BRWD1: variants seen among roughly 807,000 people sequenced by gnomAD.
The protein encoded by BRWD1 is bromodomain and WD repeat-containing protein 1.
In BRWD1, 82 loss-of-function variants were observed where a neutral mutation model predicts 251.2. That is an observed-to-expected ratio of 0.33 (90% CI 0.27 to 0.39). The LOEUF is 0.39. BRWD1 is among the 10% of genes least tolerant of loss of function. The probability of loss-of-function intolerance (pLI) is 1.00; values close to 1 mark genes in which losing one functional copy is unlikely to be tolerated. For synonymous variants in BRWD1, 918 were observed against 902.8 expected, an observed-to-expected ratio of 1.02 and a Z score of -0.30; for missense variants, 2,233 against 2,711.6, an observed-to-expected ratio of 0.82 and a Z score of 3.92.
At chr21:39,256,369 ATCATGATTC>A (rs1364983578) in intron 18 of BRWD1, among the ~76,000 whole-genome samples, 1 of 152,236 alleles carries the variant, frequency 6.6e-6, no homozygotes, top group Admixed American at 6.5e-5. Flanking sequence ...TGCAACAGTA[ATCATGATTC>A]TCATGATTCT....
intron 18 of BRWD1, among the ~76,000 whole-genome samples, chr21:39,256,282 C>T (rs2034560150): frequency 6.6e-6 from 1 of 152,160 alleles, no homozygotes; most frequent in East Asian, 1.9e-4. Flanking sequence ...TTAAAAATTG[C>T]ACACTAAAAA....
intron 31 of BRWD1, chr21:39,216,624 T>C (rs1469043155): frequency 6.0e-6 from 2 of 330,958 alleles, no homozygotes; most frequent in Admixed American, 3.5e-5. Context: ...GCCAGAAGTA[T>C]ATGACTGTAT....
chr21:39,313,964 C>T (rs561525194), upstream of BRWD1: 6 of 367,672 alleles, frequency 1.6e-5, no homozygotes, highest in East Asian at 3.0e-4. Context: ...GAAGCGCGGC[C>T]ACAAGAGGGG....
chr21:39,268,736 C>T (rs1568933629), intron 15 of BRWD1, among the ~76,000 whole-genome samples: 1 of 152,172 alleles, frequency 6.6e-6, no homozygotes, highest in East Asian at 1.9e-4. Context: ...CCTGTAATCC[C>T]AACACTTTGG....
At chr21:39,252,976 G>T (rs2034444565) in intron 19 of BRWD1, among the ~76,000 whole-genome samples, 1 of 152,146 alleles carries the variant, frequency 6.6e-6, no homozygotes, top group Non-Finnish European at 1.5e-5. Flanking sequence ...AGCTATCTTG[G>T]ACTATGCGGT....
Position 39,238,563 on chromosome 21 carries a change from C to T in BRWD1, c.2492G>A (p.Cys831Tyr). The T allele has an allele frequency of 3.7e-6, 6 of 1,612,744 alleles. No individual in the cohort carries two copies. The highest frequency in any genetic ancestry group is 5.1e-6 in the Non-Finnish European group (6 of 1,179,114). The change falls in exon 22 of 41, where the codon TGT becomes TAT. Residue 831 changes from cysteine (C) to tyrosine (Y), a missense_variant. Cys to Tyr is a radical substitution (Grantham distance 194). Around this residue, in one of 12 missense-constraint regions of BRWD1, gnomAD observed 214 missense variants for 222.0 expected, o/e 0.96. Transcript: ENST00000342449. ...SSSSVRHETS[C>Y]DQSEGSGSSE... ...AGAACCAGAACCTTCACTCTGATCA[C>T]AGGAAGTCTCCTAATTTGTGAAGGG...
chr21:39,268,874 A>G (rs1408361412), intron 15 of BRWD1, among the ~76,000 whole-genome samples: 1 of 151,880 alleles, frequency 6.6e-6, no homozygotes, highest in African/African-American at 2.4e-5. Flanking sequence ...TGTAGTTCCA[A>G]TTACTTGGGA....
Position 39,196,398 on chromosome 21 carries a change from T to C in BRWD1, c.6671A>G (p.Asp2224Gly), listed in dbSNP as rs201712356. ...AAGAACTCTTTTAGATTTTGCATAG[T>C]CCAAATCCTCCCAGTCATTATCATC... is the stretch of plus-strand genomic sequence containing the variant. ...SVDDNDWEDL[D>G]YAKSKRVLRR... The change falls in exon 41 of 41, where the codon GAC becomes GGC. Residue 2224 changes from aspartate to glycine, a missense_variant. Coordinates refer to ENST00000342449, the MANE Select transcript of BRWD1 (RefSeq NM_033656.4). 6.2e-7 allele frequency: 1 copy of C among 1,613,846 alleles called. No homozygotes were observed. Among genetic ancestry groups the C allele is most frequent in the Non-Finnish European group, 8.5e-7 (1 of 1,179,770 alleles).
At chr21:39,281,239 T>G (rs186266606) in intron 8 of BRWD1, among the ~76,000 whole-genome samples, 12 of 152,286 alleles carry the variant, frequency 7.9e-5, no homozygotes, top group Admixed American at 7.2e-4. Flanking sequence ...ACGATTTGTC[T>G]TACAGCAATA....
chr21:39,247,690 T>G lies in BRWD1; in HGVS notation c.2481+11A>C, dbSNP rs763030754. The G allele has an allele frequency of 6.3e-7, 1 of 1,592,150 alleles. No individual in the cohort carries two copies. Among genetic ancestry groups the G allele is most frequent in the East Asian group, 2.2e-5 (1 of 44,532 alleles). ...AGATTATCTTATAACATTTTAAAGTTTTCCACTCACATGTCTTACAGAGCT... is the reference window on the plus strand; with the variant it reads ...AGATTATCTTATAACATTTTAAAGTGTTCCACTCACATGTCTTACAGAGCT... On this transcript the variant is annotated intron_variant, in intron 21 of 40. Coordinates refer to ENST00000342449, the MANE Select transcript of BRWD1 (RefSeq NM_033656.4).
At chr21:39,230,229 G>C (rs73357877) in intron 25 of BRWD1, among the ~76,000 whole-genome samples, 61 of 152,252 alleles carry the variant, frequency 4.0e-4, no homozygotes, top group African/African-American at 1.3e-3. Context: ...GTAAACAAGT[G>C]AAAGTCCCTA....
chr21:39,299,843 T>C (rs1368728218), intron 4 of BRWD1, among the ~76,000 whole-genome samples: 1 of 148,506 alleles, frequency 6.7e-6, no homozygotes, highest in East Asian at 2.0e-4. Context: ...ATTAGCTGGG[T>C]GTGGTGGTAG....
At chr21:39,253,244 T>G (rs1320375528) in intron 19 of BRWD1, among the ~76,000 whole-genome samples, 3 of 131,394 alleles carry the variant, frequency 2.3e-5, no homozygotes, top group Non-Finnish European at 4.6e-5. Flanking sequence ...GCTGAGATCA[T>G]GCCACTGCAC....
chr21:39,280,074 A>T (rs936769523), intron 9 of BRWD1, 74 bp downstream of exon 9: 2 of 1,128,052 alleles, frequency 1.8e-6, no homozygotes, highest in African/African-American at 3.2e-5. Flanking sequence ...TCATAACAAT[A>T]AAACTTCATT....
chr21:39,298,651 A>C, intron 4 of BRWD1, 69 bp from the exon 5 acceptor site: 1 of 1,301,050 alleles, frequency 7.7e-7, no homozygotes, highest in Non-Finnish European at 1.0e-6. Context: ...CTTAGGGATA[A>C]GTCTGGCAAA....
In BRWD1 at chr21:39,195,087, A is replaced by C. The variant is rs1212086594; in HGVS notation, c.*1172T>G. On this transcript the variant is annotated 3_prime_UTR_variant, in exon 41 of 41. Coordinates refer to ENST00000342449, the MANE Select transcript of BRWD1 (RefSeq NM_033656.4). ...TAAACTTTCACTTTAAATGGATTAT[A>C]AAATTATTTTCCCACAAAACATGAC... 2.5e-6 allele frequency: 3 copies of C among 1,219,200 alleles called. No individual in the cohort carries two copies. Among genetic ancestry groups the C allele is most frequent in the Non-Finnish European group, 2.0e-6 (2 of 975,882 alleles). 75.5% of individuals were successfully genotyped at this position (1,219,200 alleles called of 1,614,324 possible).
chr21:39,217,079 ATATATT>A (rs2032973189), intron 31 of BRWD1: 1 of 11,676 alleles, frequency 8.6e-5, no homozygotes, highest in African/African-American at 3.3e-4. Flanking sequence ...ATATATATAT[ATATATT>A]TTTTTTTTTT....
Position 39,199,057 on chromosome 21 carries a change from T to C in BRWD1, c.5359A>G (p.Ile1787Val). Residue 1787 changes from isoleucine (I) to valine (V), a missense_variant, in exon 40 of 41, where the codon ATC (isoleucine) becomes GTC (valine). Physicochemically the swap from Ile to Val is conservative, Grantham distance 29. Coordinates refer to ENST00000342449, the MANE Select transcript of BRWD1 (RefSeq NM_033656.4). ...TSVQKLKAES[I>V]SEEADSEPGR... ...GGTTCAGAATCTGCTTCCTCTGAGA[T>C]GCTCTCTGCCTTAAGTTTCTGCACA... 2.5e-6 allele frequency: 4 copies of C among 1,614,200 alleles called. No individual in the cohort carries two copies. The highest frequency in any genetic ancestry group is 3.4e-6 in the Non-Finnish European group (4 of 1,180,036).
In BRWD1 at chr21:39,258,493, G is replaced by A. The variant is rs780434731; in HGVS notation, c.2065C>T (p.Arg689Trp). 26 of 1,589,874 alleles carry A rather than the reference G, an allele frequency of 1.6e-5. 1 individual carries two copies. In the Middle Eastern group the frequency reaches 5.0e-4, roughly 31 times the overall value. Residue 689 changes from arginine (R) to tryptophan (W), a missense_variant, in exon 18 of 41, where the codon CGG (arginine) becomes TGG (tryptophan). Arg to Trp is a moderately radical substitution (Grantham distance 101). This residue lies in a region of BRWD1 where 73 missense variants were observed against 68.1 expected (regional missense o/e 1.07). Transcript: ENST00000342449. ...RGLSNGEETP[R>W]RGFRRLSLDI... ...ATTTATCACTATTTATTACCTCTCC[G>A]GGGTGTTTCTTCACCATTTGAAAGT...
Sources: allele counts gnomAD v4.1 joint callset (sites outside exome capture counted in the v4.1 genomes callset), GRCh38; gene constraint gnomAD v4.1.1; regional missense constraint gnomAD v4.1.1; transcripts MANE v1.5; gene names NCBI Gene and HGNC (gene_info 2026-07-23, HGNC 2026-07-21).